The following BCAS3 variants were observed in gnomAD, a reference collection of about 807,000 sequenced individuals.
The protein encoded by BCAS3 is BCAS4/BCAS3 fusion.
In BCAS3, 53 loss-of-function variants were observed where a neutral mutation model predicts 116.1. The observed-to-expected ratio is 0.46, with a 90% confidence interval of 0.37 to 0.57. The LOEUF (loss-of-function observed/expected upper bound fraction) is 0.57, where lower values mean the gene tolerates loss of function less well. Ranked by LOEUF, BCAS3 falls within the 20% of genes least tolerant of loss-of-function variation. BCAS3 has a pLI of 0.00. For missense variants in BCAS3, 917 were observed against 1,165.4 expected (o/e 0.79, Z 3.10); for synonymous variants, 391 against 408.2 (o/e 0.96, Z 0.51).
Position 61,300,070 on chromosome 17 carries a change from G to A in BCAS3, c.2426-68257G>A, listed in dbSNP as rs1270090869. Among the ~76,000 whole-genome samples, 1 of 152,120 alleles carries A rather than the reference G, an allele frequency of 6.6e-6. No individual in the cohort carries two copies. The highest frequency in any genetic ancestry group is 1.5e-5 in the Non-Finnish European group (1 of 68,014). On this transcript the variant is annotated intron_variant, in intron 22 of 23. Transcript: ENST00000407086. This position sits in a 1 kb window ranked among gnomAD's most constrained non-coding sequence, Gnocchi z 5.1. ...TTTGACAAATCAGTTTATTAAAATT[G>A]TAAATGTAACCCAGAGCTGTTTAGT...
At chr17:60,865,800 T>C (rs1021313452) in intron 7 of BCAS3, among the ~76,000 whole-genome samples, 3 of 152,208 alleles carry the variant, frequency 2.0e-5, no homozygotes, top group African/African-American at 7.2e-5. Context: ...CAATGTTGAG[T>C]AGAAGTGATA....
chr17:60,937,044 T>C (rs1016070977), intron 13 of BCAS3, among the ~76,000 whole-genome samples: 5 of 152,288 alleles, frequency 3.3e-5, no homozygotes, highest in African/African-American at 9.6e-5. Flanking sequence ...GTATAAGGTG[T>C]AAGGAAGGGA....
At chr17:61,125,729 A>G (rs1038397492) in intron 22 of BCAS3, among the ~76,000 whole-genome samples, 1 of 152,170 alleles carries the variant, frequency 6.6e-6, no homozygotes, top group African/African-American at 2.4e-5. Context: ...AGATGTGGAA[A>G]TCTCTTAATG....
intron 4 of BCAS3, among the ~76,000 whole-genome samples, chr17:60,704,283 G>A (rs2036826363): frequency 6.6e-6 from 1 of 152,150 alleles, no homozygotes; most frequent in African/African-American, 2.4e-5. Context: ...AGGAAGAGAA[G>A]TGCACACCCG....
At position 61,189,696 on chromosome 17, in the gene BCAS3, G is replaced by A. The variant is rs2079987942; in HGVS notation, c.2425+105132G>A. Among the ~76,000 whole-genome samples the A allele has an allele frequency of 6.6e-6, 1 of 152,226 alleles. No individual in the cohort carries two copies. The highest frequency in any genetic ancestry group is 1.5e-5 in the Non-Finnish European group (1 of 68,040). On this transcript the variant is annotated intron_variant, in intron 22 of 23. Coordinates refer to ENST00000407086, the MANE Select transcript of BCAS3 (RefSeq NM_017679.5). The surrounding 1 kb of genome is among the most constrained non-coding windows in gnomAD (Gnocchi z 4.5). ...GGCATGGTGACTGGATATCAGTCAT[G>A]AGGAGAAGGGGGAAGAGTTTAATAT...
chr17:61,147,165 C>G (rs921864334), intron 22 of BCAS3, among the ~76,000 whole-genome samples: 1 of 151,140 alleles, frequency 6.6e-6, no homozygotes, highest in African/African-American at 2.4e-5. Context: ...ACCTCCACCT[C>G]TCAGGTTCAA....
At chr17:61,303,211 G>A (rs947884844) in intron 22 of BCAS3, among the ~76,000 whole-genome samples, 2 of 152,172 alleles carry the variant, frequency 1.3e-5, no homozygotes, top group African/African-American at 2.4e-5. Context: ...GGATTTATGG[G>A]GAGCCAGAGC....
In BCAS3 at chr17:60,875,535, GAA is replaced by G. The variant is rs369168821; in HGVS notation, c.661+800_661+801del. ...CTCAATTTAAACCATATATGACAGAGAAAAGAGTGAAAAAACCTTTTACTTAG... is the reference window on the plus strand; with the variant it reads ...CTCAATTTAAACCATATATGACAGAGAAGAGTGAAAAAACCTTTTACTTAG... On this transcript the variant is annotated intron_variant, in intron 9 of 23. Coordinates refer to ENST00000407086, the MANE Select transcript of BCAS3 (RefSeq NM_017679.5). 8.0e-4 allele frequency among the ~76,000 whole-genome samples: 122 copies of G among 152,128 alleles called. 1 individual carries two copies. The East Asian group carries it at 0.015, about 19-fold the overall frequency.
chr17:60,872,951 TGTAGAGGAA>T (rs2055267876), intron 8 of BCAS3, among the ~76,000 whole-genome samples: 1 of 152,136 alleles, frequency 6.6e-6, no homozygotes, highest in Non-Finnish European at 1.5e-5. Flanking sequence ...AAACGCTGTG[TGTAGAGGAA>T]TAGTACAGAC....
At chr17:60,912,407 A>G (rs2058562464) in intron 12 of BCAS3, among the ~76,000 whole-genome samples, 1 of 152,188 alleles carries the variant, frequency 6.6e-6, no homozygotes, top group South Asian at 2.1e-4. Context: ...GAAAAATTAC[A>G]TTTGGCAGCT....
chr17:61,155,161 ATTTTT>A (rs575893682), intron 22 of BCAS3, among the ~76,000 whole-genome samples: 2 of 151,638 alleles, frequency 1.3e-5, no homozygotes, highest in Admixed American at 6.6e-5. Flanking sequence ...CTTACATATG[ATTTTT>A]TTTTAAGTTT....
At chr17:61,237,870 A>G (rs572630512) in intron 22 of BCAS3, among the ~76,000 whole-genome samples, 8 of 152,194 alleles carry the variant, frequency 5.3e-5, no homozygotes, top group African/African-American at 1.9e-4. Flanking sequence ...GATTAGCCAT[A>G]TTTTTATATG....
intron 22 of BCAS3, among the ~76,000 whole-genome samples, chr17:61,267,618 TC>T (rs2049850214): frequency 7.7e-6 from 1 of 129,168 alleles, no homozygotes; most frequent in Non-Finnish European, 1.7e-5. Context: ...GTGCCTGTAA[TC>T]CTCCTGGATT....
At chr17:60,745,218 T>A (rs1220999007) in intron 5 of BCAS3, among the ~76,000 whole-genome samples, 3 of 152,014 alleles carry the variant, frequency 2.0e-5, no homozygotes, top group Admixed American at 1.3e-4. Flanking sequence ...TTTTCATTAC[T>A]TGAAATATAA....
In BCAS3 at chr17:61,161,652, C is replaced by T. The variant is rs975674679; in HGVS notation, c.2425+77088C>T. Among the ~76,000 whole-genome samples the T allele has an allele frequency of 6.6e-6, 1 of 152,054 alleles. No homozygotes were observed. The highest frequency in any genetic ancestry group is 1.5e-5 in the Non-Finnish European group (1 of 68,014). ...ATCTAGTGGTGGTTGAAGAGGCCAT[C>T]TGGAAAGGTGATGTCAACGGAGGGT... On this transcript the variant is annotated intron_variant, in intron 22 of 23. Transcript: ENST00000407086. The surrounding 1 kb of genome is among the most constrained non-coding windows in gnomAD (Gnocchi z 4.8).
At chr17:61,314,434 C>T (rs571131475) in intron 22 of BCAS3, among the ~76,000 whole-genome samples, 19 of 152,340 alleles carry the variant, frequency 1.2e-4, no homozygotes, top group South Asian at 1.0e-3. Flanking sequence ...ACCATCTGAC[C>T]GCATTCCCTC....
chr17:60,690,603 G>A (rs1184411913), intron 4 of BCAS3, among the ~76,000 whole-genome samples: 1 of 149,724 alleles, frequency 6.7e-6, no homozygotes, highest in African/African-American at 2.5e-5. Flanking sequence ...AAATAAGTAA[G>A]TAAATAAAAA....
chr17:60,865,893 T>G (rs1341563357), intron 7 of BCAS3, among the ~76,000 whole-genome samples: 2 of 152,286 alleles, frequency 1.3e-5, no homozygotes, highest in African/African-American at 4.8e-5. Context: ...TAGGTGCACT[T>G]TATAAGGTAG....
At chr17:61,075,310 A>T (rs1289487565) in intron 20 of BCAS3, among the ~76,000 whole-genome samples, 2 of 152,020 alleles carry the variant, frequency 1.3e-5, no homozygotes, top group Non-Finnish European at 2.9e-5. Context: ...AGGGCCTTGG[A>T]ATCAATTAAT....
Sources: gnomAD v4.1 joint callset for allele counts (sites outside exome capture counted in the v4.1 genomes callset) on GRCh38, gnomAD v4.1.1 for gene constraint, Gnocchi (gnomAD v3.1) non-coding constraint, MANE v1.5 for transcripts, NCBI Gene and HGNC (gene_info 2026-07-23, HGNC 2026-07-21) for gene names.